PCSK5: variants seen among roughly 807,000 people sequenced by gnomAD.
PCSK5 encodes the protein proprotein convertase subtilisin/kexin type 5.
In PCSK5, 129 loss-of-function variants were observed where a neutral mutation model predicts 233.2. That is an observed-to-expected ratio of 0.55 (90% CI 0.48 to 0.64). The LOEUF is 0.64. PCSK5 is among the 30% of genes least tolerant of loss of function. The pLI is 0.00. For synonymous variants in PCSK5, 825 were observed against 879.2 expected (o/e 0.94, Z 1.09); for missense variants, 2,076 against 2,430.1 (o/e 0.85, Z 3.06).
In PCSK5 at chr9:76,236,229, C is replaced by T. The variant is rs1229022147; in HGVS notation, c.2866+2633C>T. On this transcript the variant is annotated intron_variant, in intron 22 of 37. Transcript: ENST00000674117. ...CAGAATCCCTGCACCTTTCTTTTAT[C>T]CTTTCCAGCAGTCCTTTTCGCCTCA... Among the ~76,000 whole-genome samples the T allele has an allele frequency of 4.6e-5, 7 of 152,192 alleles. 1 individual carries two copies. In the South Asian group the frequency reaches 6.2e-4, roughly 14 times the overall value.
At chr9:76,177,640 A>C (rs1823674167) in intron 14 of PCSK5, among the ~76,000 whole-genome samples, 1 of 152,160 alleles carries the variant, frequency 6.6e-6, no homozygotes. Flanking sequence ...AAGTAGATCC[A>C]AAAAACATAA....
At chr9:76,009,578 G>T (rs1405932242) in intron 3 of PCSK5, among the ~76,000 whole-genome samples, 3 of 147,686 alleles carry the variant, frequency 2.0e-5, no homozygotes, top group Non-Finnish European at 4.5e-5. Flanking sequence ...AGTGAGCCGA[G>T]ATCACACCAC....
At chr9:76,254,080 A>G (rs1826901017) in intron 24 of PCSK5, among the ~76,000 whole-genome samples, 1 of 152,156 alleles carries the variant, frequency 6.6e-6, no homozygotes, top group South Asian at 2.1e-4. Flanking sequence ...TGGCAGACAC[A>G]AAGCAGACAC....
intron 5 of PCSK5, among the ~76,000 whole-genome samples, chr9:76,060,891 T>C (rs1481924913): frequency 6.6e-6 from 1 of 152,174 alleles, no homozygotes. Flanking sequence ...ATAAATGGTC[T>C]TACTCTCTAG....
intron 1 of PCSK5, among the ~76,000 whole-genome samples, chr9:75,930,860 G>A (rs528195034): frequency 6.6e-6 from 1 of 152,228 alleles, no homozygotes; most frequent in African/African-American, 2.4e-5. Context: ...TTAGTCCTCT[G>A]GAATCTTAAA....
chr9:76,110,142 C>T (rs958615825), intron 9 of PCSK5, among the ~76,000 whole-genome samples: 5 of 152,176 alleles, frequency 3.3e-5, no homozygotes, highest in African/African-American at 1.2e-4. Flanking sequence ...CTACAAGATA[C>T]GCTCTTTTAA....
intron 21 of PCSK5, among the ~76,000 whole-genome samples, chr9:76,232,274 G>A (rs975911230): frequency 6.6e-6 from 1 of 152,262 alleles, no homozygotes; most frequent in Middle Eastern, 3.4e-3. Flanking sequence ...CCCTTTCTTC[G>A]CAGGCCCACT....
intron 5 of PCSK5, among the ~76,000 whole-genome samples, chr9:76,045,503 T>C (rs1300239944): frequency 6.6e-6 from 1 of 152,314 alleles, no homozygotes; most frequent in South Asian, 2.1e-4. Context: ...TTCAGAATTC[T>C]TCGATTTTAA....
intron 16 of PCSK5, among the ~76,000 whole-genome samples, chr9:76,184,388 A>AAG (rs1554702010): frequency 0.029 from 8 of 278 alleles, no homozygotes; most frequent in East Asian, 0.29. Flanking sequence ...GAAGAAGAAG[A>AAG]AAAAAAAAAG....
chr9:75,998,595 A>G lies in PCSK5; in HGVS notation c.411+12350A>G, dbSNP rs183432833. Among the ~76,000 whole-genome samples the G allele has an allele frequency of 2.6e-3, 392 of 152,356 alleles. 4 individuals carry two copies. Among genetic ancestry groups the G allele is most frequent in the African/African-American group, 9.0e-3 (374 of 41,588 alleles). On this transcript the variant is annotated intron_variant, in intron 3 of 37. Coordinates refer to ENST00000674117, the MANE Select transcript of PCSK5 (RefSeq NM_001372043.1). ...CAAAAACACTTCCTTGTACTTTATC[A>G]GAAACGTAACGTCACTTGGTCTAAA...
chr9:76,095,887 CA>C lies in PCSK5; in HGVS notation c.895-2del. ...TCATTTAGCTTTCTCTGTTTGTGAACAGGGGCGGAGAGGCCTCGGCTCTGTG... is the reference window on the plus strand; with the variant it reads ...TCATTTAGCTTTCTCTGTTTGTGAACGGGGCGGAGAGGCCTCGGCTCTGTG... On this transcript the variant is annotated splice_acceptor_variant, in intron 7 of 37. Coordinates refer to ENST00000674117, the MANE Select transcript of PCSK5 (RefSeq NM_001372043.1). LOFTEE classifies it high-confidence loss of function. 1.2e-6 allele frequency: 2 copies of C among 1,613,702 alleles called. No homozygotes were observed. The highest frequency in any genetic ancestry group is 1.1e-5 in the South Asian group (1 of 91,070).
intron 2 of PCSK5, among the ~76,000 whole-genome samples, chr9:75,938,140 C>T (rs1313468363): frequency 6.6e-6 from 1 of 152,136 alleles, no homozygotes; most frequent in Non-Finnish European, 1.5e-5. Context: ...TGCTGGCTTT[C>T]GACATGTCTT....
chr9:76,037,676 A>G (rs1348419486), intron 5 of PCSK5, among the ~76,000 whole-genome samples: 1 of 152,182 alleles, frequency 6.6e-6, no homozygotes, highest in Non-Finnish European at 1.5e-5. Flanking sequence ...GATACTCTGT[A>G]GGAGGAAAAG....
At chr9:75,936,207 A>C (rs1162672587) in intron 2 of PCSK5, among the ~76,000 whole-genome samples, 1 of 152,130 alleles carries the variant, frequency 6.6e-6, no homozygotes, top group East Asian at 1.9e-4. Flanking sequence ...GTTTTGCCTC[A>C]ATGTTGGTGG....
intron 28 of PCSK5, among the ~76,000 whole-genome samples, chr9:76,303,667 T>C (rs1206277759): frequency 6.6e-6 from 1 of 152,250 alleles, no homozygotes; most frequent in African/African-American, 2.4e-5. Flanking sequence ...ACAGGATTGT[T>C]GCTTGCCTTT....
chr9:76,239,618 C>T (rs1023041545), intron 23 of PCSK5, among the ~76,000 whole-genome samples: 1 of 150,404 alleles, frequency 6.6e-6, no homozygotes, highest in Non-Finnish European at 1.5e-5. Flanking sequence ...ATGGCTTGAA[C>T]CCAGGAGGCA....
rs140988449 is a variant in PCSK5, at chr9:76,001,550, C to T, written c.411+15305C>T. Reference sequence around the variant, plus strand: ...GTTGGAAGGTTAGAAAATATTCCAACGATATGCATTACTCTAGCTTGCACA... The same window carrying T: ...GTTGGAAGGTTAGAAAATATTCCAATGATATGCATTACTCTAGCTTGCACA... On this transcript the variant is annotated intron_variant, in intron 3 of 37. Transcript: ENST00000674117. Among the ~76,000 whole-genome samples, 173 of 140,032 alleles carry T rather than the reference C, an allele frequency of 1.2e-3. 1 individual carries two copies. Among genetic ancestry groups the T allele is most frequent in the African/African-American group, 4.3e-3 (160 of 37,554 alleles). The allele number at this position is 140,032 out of a possible 152,430, so 91.9% of individuals were successfully genotyped here.
chr9:76,358,917 C>T lies in PCSK5; in HGVS notation c.5659C>T (p.Gln1887Ter), dbSNP rs1830373985. The T allele has an allele frequency of 3.1e-6, 5 of 1,611,414 alleles. No individual in the cohort carries two copies. The highest frequency in any genetic ancestry group is 4.2e-6 in the Non-Finnish European group (5 of 1,178,840). Reference protein sequence around the residue: ...EYDDESYSYYQ With the variant: ...EYDDESYSYY ...TGATGACGAGAGTTACTCCTACTAC[C>T]AGTAAACAGGCACTCCCCCACCAAC... is the stretch of plus-strand genomic sequence containing the variant. The change falls in exon 38 of 38, where the codon CAG (glutamine) becomes TAG (stop). Residue 1887 changes from glutamine (Q) to a stop codon, truncating the protein, a stop_gained. Transcript: ENST00000674117. LOFTEE classifies it high-confidence loss of function.
intron 1 of PCSK5, among the ~76,000 whole-genome samples, chr9:75,924,053 A>C (rs1402752223): frequency 6.6e-6 from 1 of 152,132 alleles, no homozygotes; most frequent in Non-Finnish European, 1.5e-5. Flanking sequence ...ACACCTGCAA[A>C]GTCTCTTTTG....
Sources: allele counts gnomAD v4.1 joint callset (sites outside exome capture counted in the v4.1 genomes callset), GRCh38; gene constraint gnomAD v4.1.1; transcripts MANE v1.5; gene names NCBI Gene and HGNC (gene_info 2026-07-23, HGNC 2026-07-21).